Variants in GRM5 observed in about 807,000 individuals in gnomAD.
The protein encoded by GRM5 is metabotropic glutamate receptor 5.
Under a neutral mutation model 83.1 loss-of-function variants are expected in GRM5, and 19 were observed. That is an observed-to-expected ratio of 0.23 (90% CI 0.16 to 0.34). GRM5 has a LOEUF of 0.34. Ranked by LOEUF, GRM5 falls within the 10% of genes least tolerant of loss-of-function variation. The pLI, the probability that GRM5 is intolerant of heterozygous loss-of-function variation, is 1.00. For synonymous variants in GRM5, 675 were observed against 633.6 expected (o/e 1.07, Z -0.98); for missense variants, 1,160 against 1,588.3 (o/e 0.73, Z 4.58).
chr11:88,635,676 C>G (rs1186279402), intron 4 of GRM5, among the ~76,000 whole-genome samples: 1 of 152,080 alleles, frequency 6.6e-6, no homozygotes, highest in African/African-American at 2.4e-5. Flanking sequence ...TGTGCATGAG[C>G]TTTCTAGTTT....
At chr11:88,875,082 G>GTT (rs112725534) in intron 2 of GRM5, among the ~76,000 whole-genome samples, 86,353 of 147,842 alleles carry the variant, frequency 0.58, 25,374 homozygotes, top group South Asian at 0.78. Context: ...TGAATTGACT[G>GTT]TTTTTTTTTT....
Position 88,508,780 on chromosome 11 carries a change from C to A in GRM5, c.3451G>T (p.Ala1151Ser). 6.8e-7 allele frequency: 1 copy of A among 1,467,954 alleles called. No homozygotes were observed. Among genetic ancestry groups the A allele is most frequent in the Non-Finnish European group, 9.0e-7 (1 of 1,116,474 alleles). The allele number at this position is 1,467,954 out of a possible 1,614,324, so 90.9% of individuals were successfully genotyped here. ...TCCTCCAGGTCTGGCTTGGCGGCCGCAGCCTCGGGACCGGCCGCGGGGCTC... is the reference window on the plus strand; with the variant it reads ...TCCTCCAGGTCTGGCTTGGCGGCCGAAGCCTCGGGACCGGCCGCGGGGCTC... ...RESPAAGPEA[A>S]AAKPDLEELV... The change falls in exon 10 of 10, where the codon GCG becomes TCG. Residue 1151 changes from alanine (A) to serine (S), a missense_variant. Physicochemically the swap from Ala to Ser is moderately conservative, Grantham distance 99. Around this residue, in one of 9 missense-constraint regions of GRM5, gnomAD observed 562 missense variants for 532.4 expected, o/e 1.06. Coordinates refer to ENST00000305447, the MANE Select transcript of GRM5 (RefSeq NM_001143831.3). This position sits in a 1 kb window ranked among gnomAD's most constrained non-coding sequence, Gnocchi z 4.2.
At chr11:88,583,813 G>A (rs919994894) in intron 7 of GRM5, among the ~76,000 whole-genome samples, 6 of 152,192 alleles carry the variant, frequency 3.9e-5, no homozygotes, top group African/African-American at 7.2e-5. Flanking sequence ...TTCTCTGAAC[G>A]TCTAGCTCAA....
Position 89,059,347 on chromosome 11 carries a change from T to A in GRM5, c.-201+6429A>T, listed in dbSNP as rs573435884. Reference sequence around the variant, plus strand: ...TACGTATTATTTTGATTTCTGATTATCTTCAAGCATTTGCATGTTTATTTT... The same window carrying A: ...TACGTATTATTTTGATTTCTGATTAACTTCAAGCATTTGCATGTTTATTTT... On this transcript the variant is annotated intron_variant, in intron 1 of 9. Transcript: ENST00000305447. 2.0e-3 allele frequency among the ~76,000 whole-genome samples: 299 copies of A among 152,332 alleles called. 2 individuals carry two copies. Among genetic ancestry groups the A allele is most frequent in the Non-Finnish European group, 3.8e-3 (258 of 68,010 alleles).
intron 2 of GRM5, among the ~76,000 whole-genome samples, chr11:88,917,633 G>A (rs1310613254): frequency 6.6e-6 from 1 of 152,052 alleles, no homozygotes. Context: ...TTTTAACAAA[G>A]AGATTAAAAT....
At chr11:88,656,153 G>C (rs868560860) in intron 3 of GRM5, among the ~76,000 whole-genome samples, 11 of 79,192 alleles carry the variant, frequency 1.4e-4, no homozygotes, top group Admixed American at 1.3e-3. Context: ...TGGGTGACAC[G>C]TATTTTACCA....
chr11:88,701,485 A>G (rs985026943), intron 3 of GRM5, among the ~76,000 whole-genome samples: 4 of 152,136 alleles, frequency 2.6e-5, no homozygotes, highest in African/African-American at 2.4e-5. Context: ...GCAACAGCTG[A>G]GGACTCAAGG....
chr11:88,674,145 T>C (rs16914501), intron 3 of GRM5, among the ~76,000 whole-genome samples: 3,742 of 151,928 alleles, frequency 0.025, 144 homozygotes, highest in African/African-American at 0.087. Flanking sequence ...TGGGAGTCAC[T>C]GACCTTTGCT....
chr11:88,881,212 C>G (rs1432399325), intron 2 of GRM5, among the ~76,000 whole-genome samples: 1 of 151,294 alleles, frequency 6.6e-6, no homozygotes, highest in South Asian at 2.1e-4. Context: ...TAAAGGAATC[C>G]TCTTAAAAAC....
At chr11:89,041,069 C>A (rs1431614477) in intron 2 of GRM5, among the ~76,000 whole-genome samples, 1 of 152,128 alleles carries the variant, frequency 6.6e-6, no homozygotes, top group South Asian at 2.1e-4. Flanking sequence ...ACACTATAAA[C>A]CTAGAAGCTA....
chr11:88,538,180 G>A lies in GRM5; in HGVS notation c.2631-12776C>T, dbSNP rs150095789. Among the ~76,000 whole-genome samples, 261 of 151,856 alleles carry A rather than the reference G, an allele frequency of 1.7e-3. 3 individuals are homozygous for A. Among genetic ancestry groups the A allele is most frequent in the East Asian group, 0.012 (64 of 5,174 alleles). On this transcript the variant is annotated intron_variant, in intron 8 of 9. Transcript: ENST00000305447. The stretch of plus-strand genomic sequence containing the variant: ...TAAATTACAGCATAGCAATATTATG[G>A]AAATGTGTTAAATTTTGTATTGAGT...
chr11:88,592,676 T>C (rs772791274), intron 6 of GRM5, among the ~76,000 whole-genome samples: 1 of 152,254 alleles, frequency 6.6e-6, no homozygotes, highest in Non-Finnish European at 1.5e-5. Flanking sequence ...TAACTTAATA[T>C]GTTTTCCTCT....
chr11:88,937,413 C>G (rs757138433), intron 2 of GRM5, among the ~76,000 whole-genome samples: 2 of 151,596 alleles, frequency 1.3e-5, no homozygotes, highest in Non-Finnish European at 3.0e-5. Context: ...TGAAATCTGA[C>G]AGATTTCTCA....
intron 2 of GRM5, among the ~76,000 whole-genome samples, chr11:88,862,802 C>T: frequency 6.6e-6 from 1 of 151,974 alleles, no homozygotes; most frequent in Non-Finnish European, 1.5e-5. Flanking sequence ...TGATGCTCTT[C>T]CTAATTATCA....
intron 3 of GRM5, among the ~76,000 whole-genome samples, chr11:88,803,268 C>T (rs1480692347): frequency 6.6e-6 from 1 of 151,562 alleles, no homozygotes; most frequent in Non-Finnish European, 1.5e-5. Context: ...AGGCATCACG[C>T]TACCTGACTT....
intron 2 of GRM5, among the ~76,000 whole-genome samples, chr11:89,035,590 T>G (rs1333536337): frequency 1.3e-5 from 2 of 151,960 alleles, no homozygotes; most frequent in African/African-American, 2.4e-5. Context: ...TTTCATTCTA[T>G]TTTTATTCTA....
At chr11:88,866,322 A>G (rs1944664827) in intron 2 of GRM5, among the ~76,000 whole-genome samples, 1 of 152,032 alleles carries the variant, frequency 6.6e-6, no homozygotes, top group Admixed American at 6.6e-5. Flanking sequence ...CAAACACTGC[A>G]TGTTCTCGCT....
At chr11:88,612,484 G>C (rs1938350798) in intron 4 of GRM5, among the ~76,000 whole-genome samples, 1 of 152,124 alleles carries the variant, frequency 6.6e-6, no homozygotes, top group Admixed American at 6.5e-5. Context: ...TATATACCCA[G>C]TAATGGGATG....
intron 3 of GRM5, among the ~76,000 whole-genome samples, chr11:88,735,055 A>C (rs999396451): frequency 3.3e-5 from 5 of 150,528 alleles, no homozygotes; most frequent in Non-Finnish European, 7.4e-5. Context: ...AATTCAAAAT[A>C]AACCTATCTT....
Sources: allele counts gnomAD v4.1 joint callset (sites outside exome capture counted in the v4.1 genomes callset), GRCh38; gene constraint gnomAD v4.1.1; regional missense constraint gnomAD v4.1.1; non-coding constraint Gnocchi (gnomAD v3.1); transcripts MANE v1.5; gene names NCBI Gene and HGNC (gene_info 2026-07-23, HGNC 2026-07-21).